SLC35F1: variants seen among roughly 807,000 people sequenced by gnomAD.
The protein encoded by SLC35F1 is chromosome 6 open reading frame 169.
SLC35F1 carries 14 observed loss-of-function variants against 48.7 expected under a neutral mutation model. That is an observed-to-expected ratio of 0.29 (90% CI 0.19 to 0.45). The LOEUF is 0.45. Ranked by LOEUF, SLC35F1 falls within the 20% of genes least tolerant of loss-of-function variation. The pLI, the probability that SLC35F1 is intolerant of heterozygous loss-of-function variation, is 1.00. For synonymous variants in SLC35F1, 190 were observed against 202.2 expected, an observed-to-expected ratio of 0.94 and a Z score of 0.51; for missense variants, 404 against 500.0, an observed-to-expected ratio of 0.81 and a Z score of 1.83.
At chr6:118,164,401 T>C (rs1774285185) in intron 2 of SLC35F1, among the ~76,000 whole-genome samples, 1 of 152,186 alleles carries the variant, frequency 6.6e-6, no homozygotes, top group African/African-American at 2.4e-5. Flanking sequence ...ACTACTTAAG[T>C]CAACTAAATT....
intron 3 of SLC35F1, among the ~76,000 whole-genome samples, chr6:118,237,916 T>A (rs1275322447): frequency 6.6e-6 from 1 of 152,134 alleles, no homozygotes; most frequent in Non-Finnish European, 1.5e-5. Context: ...CTGAAAAAAA[T>A]TATGGAAATA....
intron 1 of SLC35F1, among the ~76,000 whole-genome samples, chr6:118,014,982 A>C (rs1429808455): frequency 6.6e-6 from 1 of 152,188 alleles, no homozygotes; most frequent in Non-Finnish European, 1.5e-5. Context: ...GACCCAGCTA[A>C]AGATAATTGA....
intron 1 of SLC35F1, among the ~76,000 whole-genome samples, chr6:118,020,290 C>T (rs1777376531): frequency 6.6e-6 from 1 of 152,124 alleles, no homozygotes; most frequent in Non-Finnish European, 1.5e-5. Context: ...CAGTTCTGCT[C>T]CCTTTCTCAG....
At chr6:117,923,947 CTT>C (rs926502386) in intron 1 of SLC35F1, among the ~76,000 whole-genome samples, 5 of 149,792 alleles carry the variant, frequency 3.3e-5, no homozygotes, top group African/African-American at 1.2e-4. Flanking sequence ...TAGATTGACA[CTT>C]TATATATACA....
At chr6:118,057,139 TC>T (rs1277542434) in intron 1 of SLC35F1, among the ~76,000 whole-genome samples, 1 of 152,150 alleles carries the variant, frequency 6.6e-6, no homozygotes, top group African/African-American at 2.4e-5. Context: ...GAGAAGGCTG[TC>T]TTGAAGGTTG....
chr6:118,257,094 A>G (rs1775655298), intron 3 of SLC35F1, among the ~76,000 whole-genome samples: 1 of 152,176 alleles, frequency 6.6e-6, no homozygotes, highest in Non-Finnish European at 1.5e-5. Flanking sequence ...TGTCCTTCCC[A>G]TGATACCACC....
At chr6:117,946,768 C>A (rs1237991034) in intron 1 of SLC35F1, among the ~76,000 whole-genome samples, 1 of 152,194 alleles carries the variant, frequency 6.6e-6, no homozygotes, top group Non-Finnish European at 1.5e-5. Flanking sequence ...GGCCACCCCA[C>A]CTGATACTGA....
intron 3 of SLC35F1, among the ~76,000 whole-genome samples, chr6:118,262,371 A>G (rs1051864095): frequency 2.6e-5 from 4 of 152,122 alleles, no homozygotes; most frequent in African/African-American, 9.7e-5. Context: ...CAGTGATAAG[A>G]TGGTCAGAGA....
intron 1 of SLC35F1, among the ~76,000 whole-genome samples, chr6:118,067,897 A>G (rs1477526637): frequency 6.6e-6 from 1 of 152,168 alleles, no homozygotes; most frequent in Non-Finnish European, 1.5e-5. Flanking sequence ...TAACAAGTTC[A>G]CGGTGGTATT....
chr6:118,261,039 C>G (rs1404537555), intron 3 of SLC35F1, among the ~76,000 whole-genome samples: 1 of 151,880 alleles, frequency 6.6e-6, no homozygotes, highest in East Asian at 1.9e-4. Context: ...ATATTTTTGA[C>G]CTACACAGAT....
chr6:117,908,632 G>C (rs1284826007), intron 1 of SLC35F1, among the ~76,000 whole-genome samples: 2 of 152,262 alleles, frequency 1.3e-5, no homozygotes, highest in African/African-American at 4.8e-5. Flanking sequence ...CTGCGTAGTG[G>C]ATTCAGGACG....
chr6:118,011,862 A>G (rs903419632), intron 1 of SLC35F1, among the ~76,000 whole-genome samples: 2 of 152,190 alleles, frequency 1.3e-5, no homozygotes, highest in African/African-American at 2.4e-5. Flanking sequence ...TGAAAAGCCT[A>G]ATATTGAGAC....
In SLC35F1 at chr6:118,224,617, G is replaced by C. The variant is rs150376528; in HGVS notation, c.350-10892G>C. Reference sequence around the variant, plus strand: ...CTGATGTATAGATGAGGGAAATCAAGGCTTAAAGTGACTGAATTGATTTCT... The same window carrying C: ...CTGATGTATAGATGAGGGAAATCAACGCTTAAAGTGACTGAATTGATTTCT... On this transcript the variant is annotated intron_variant, in intron 2 of 7. Coordinates refer to ENST00000360388, the MANE Select transcript of SLC35F1 (RefSeq NM_001029858.4). Among the ~76,000 whole-genome samples the C allele has an allele frequency of 5.1e-3, 776 of 152,214 alleles. 12 individuals carry two copies. The highest frequency in any genetic ancestry group is 0.018 in the African/African-American group (728 of 41,532).
intron 2 of SLC35F1, among the ~76,000 whole-genome samples, chr6:118,223,068 TA>T (rs1775171472): frequency 6.6e-6 from 1 of 152,226 alleles, no homozygotes; most frequent in Admixed American, 6.5e-5. Flanking sequence ...CATGCTTTAA[TA>T]TTTTCAGTTA....
At chr6:118,089,317 T>A (rs2114339485) in intron 1 of SLC35F1, among the ~76,000 whole-genome samples, 1 of 152,266 alleles carries the variant, frequency 6.6e-6, no homozygotes, top group Non-Finnish European at 1.5e-5. Context: ...TATACATACT[T>A]GGAGCCCCAT....
intron 3 of SLC35F1, among the ~76,000 whole-genome samples, chr6:118,258,996 T>C (rs1439701939): frequency 6.6e-6 from 1 of 151,826 alleles, no homozygotes; most frequent in Non-Finnish European, 1.5e-5. Context: ...TTTTTTAAAA[T>C]GAGCTTATAA....
intron 2 of SLC35F1, among the ~76,000 whole-genome samples, chr6:118,213,633 C>T (rs1056988627): frequency 6.6e-6 from 1 of 152,012 alleles, no homozygotes; most frequent in Non-Finnish European, 1.5e-5. Flanking sequence ...GATTAAAAAA[C>T]GAGGCAGACT....
At chr6:117,977,254 T>G (rs1215468490) in intron 1 of SLC35F1, among the ~76,000 whole-genome samples, 1 of 151,024 alleles carries the variant, frequency 6.6e-6, no homozygotes. Flanking sequence ...TGGAGTGCAA[T>G]GGTGCGATCT....
chr6:118,002,235 A>G (rs868725008), intron 1 of SLC35F1, among the ~76,000 whole-genome samples: 21 of 152,266 alleles, frequency 1.4e-4, no homozygotes, highest in Middle Eastern at 3.4e-3. Flanking sequence ...GATTAAGAAA[A>G]TGTGGCACAT....
Sources: allele counts gnomAD v4.1 joint callset (sites outside exome capture counted in the v4.1 genomes callset), GRCh38; gene constraint gnomAD v4.1.1; transcripts MANE v1.5; gene names NCBI Gene and HGNC (gene_info 2026-07-23, HGNC 2026-07-21).